Variants in SIL1 observed in about 807,000 individuals in gnomAD.
The protein encoded by SIL1 is SIL1 nucleotide exchange factor, also known as nucleotide exchange factor SIL1.
In SIL1, 40 loss-of-function variants were observed where a neutral mutation model predicts 49.1. The observed-to-expected ratio is 0.81, with a 90% CI of 0.63 to 1.06. SIL1 has a LOEUF of 1.06. Among genes scored for constraint, SIL1 ranks in the 50% least tolerant of loss-of-function variants. The pLI is 0.00. For synonymous variants in SIL1, 253 were observed against 250.8 expected (o/e 1.01, Z -0.08); for missense variants, 500 against 572.6 (o/e 0.87, Z 1.29).
chr5:138,969,292 C>A (rs1767221606), intron 7 of SIL1, among the ~76,000 whole-genome samples: 1 of 152,192 alleles, frequency 6.6e-6, no homozygotes, highest in African/African-American at 2.4e-5. Flanking sequence ...GCAGGACAGT[C>A]CACAGATATG....
chr5:139,117,201 T>C (rs752823775), intron 3 of SIL1, among the ~76,000 whole-genome samples: 4 of 152,192 alleles, frequency 2.6e-5, no homozygotes, highest in Non-Finnish European at 5.9e-5. Flanking sequence ...ATGAGCTGGA[T>C]AGAGGGCAGG....
Position 139,057,314 on chromosome 5 carries a change from T to TTAAAAAAAAAAAAAAAAAA in SIL1, c.245-6269_245-6268insTTTTTTTTTTTTTTTTTTA, listed in dbSNP as rs781049621. On this transcript the variant is annotated intron_variant, in intron 3 of 9. Coordinates refer to ENST00000394817, the MANE Select transcript of SIL1 (RefSeq NM_022464.5). Reference sequence around the variant, plus strand: ...GCGAGAAACACCCAAGAATGATCAATAAAAAAAAAAAAAAGAAAAGAAAAG... The same window carrying TTAAAAAAAAAAAAAAAAAA: ...GCGAGAAACACCCAAGAATGATCAATTAAAAAAAAAAAAAAAAAAAAAAAAAAAAAAAAGAAAAGAAAAG... Among the ~76,000 whole-genome samples the TTAAAAAAAAAAAAAAAAAA allele has an allele frequency of 6.9e-3, 501 of 72,972 alleles. 74 individuals carry two copies. The highest frequency in any genetic ancestry group is 0.014 in the Middle Eastern group (2 of 138). 47.9% of individuals were successfully genotyped at this position (72,972 alleles called of 152,430 possible).
chr5:139,049,182 A>C (rs1427919538), intron 4 of SIL1, among the ~76,000 whole-genome samples: 1 of 151,954 alleles, frequency 6.6e-6, no homozygotes, highest in Admixed American at 6.6e-5. Context: ...TTTTTGTTTT[A>C]GTTTTTCTGA....
intron 3 of SIL1, among the ~76,000 whole-genome samples, chr5:139,114,701 G>A (rs1770947093): frequency 6.6e-6 from 1 of 152,218 alleles, no homozygotes; most frequent in South Asian, 2.1e-4. Flanking sequence ...GGGTGGCACT[G>A]TGCAGAAAGA....
At chr5:138,966,438 C>T (rs1767141630) in intron 7 of SIL1, among the ~76,000 whole-genome samples, 1 of 152,070 alleles carries the variant, frequency 6.6e-6, no homozygotes, top group South Asian at 2.1e-4. Context: ...GCTACTGCTC[C>T]ATCCTCAACT....
At chr5:138,990,635 C>T (rs1404965614) in intron 7 of SIL1, among the ~76,000 whole-genome samples, 2 of 152,116 alleles carry the variant, frequency 1.3e-5, no homozygotes, top group Non-Finnish European at 2.9e-5. Flanking sequence ...ACTATTTTGT[C>T]CAGGCTGGTC....
intron 1 of SIL1, among the ~76,000 whole-genome samples, chr5:139,176,927 C>CATT (rs1439894527): frequency 1.0e-5 from 1 of 95,788 alleles, no homozygotes; most frequent in Admixed American, 1.3e-4. Context: ...AGCTGAGATT[C>CATT]TTTTTTTTTT....
In SIL1 at chr5:139,042,893, G is replaced by A. The variant is rs112969897; in HGVS notation, c.354-174C>T. 4.6e-5 allele frequency among the ~76,000 whole-genome samples: 7 copies of A among 152,278 alleles called. No individual in the cohort carries two copies. In the East Asian group the frequency reaches 1.2e-3, roughly 25 times the overall value. On this transcript the variant is annotated intron_variant, in intron 4 of 9. Transcript: ENST00000394817. ...GGTATGTGCCTGTGGTCCCAGCTACGTGGGAAGCAGGAGGATCACTTGAGC... is the reference window on the plus strand; with the variant it reads ...GGTATGTGCCTGTGGTCCCAGCTACATGGGAAGCAGGAGGATCACTTGAGC...
At chr5:139,054,842 T>C (rs1769371765) in intron 3 of SIL1, among the ~76,000 whole-genome samples, 1 of 152,182 alleles carries the variant, frequency 6.6e-6, no homozygotes, top group South Asian at 2.1e-4. Context: ...GTTGTGTTCA[T>C]TTAAAATATA....
chr5:138,984,489 G>A (rs1192762844), intron 7 of SIL1, among the ~76,000 whole-genome samples: 1 of 151,922 alleles, frequency 6.6e-6, no homozygotes, highest in Admixed American at 6.6e-5. Flanking sequence ...CTCCCAAACA[G>A]CTGGGACTAC....
chr5:139,068,229 G>A (rs1769749257), intron 3 of SIL1, among the ~76,000 whole-genome samples: 1 of 152,186 alleles, frequency 6.6e-6, no homozygotes. Flanking sequence ...CAAGTGCAAA[G>A]GTATTGGGAA....
chr5:138,977,275 A>T lies in SIL1; in HGVS notation c.768-25391T>A, dbSNP rs538217708. On this transcript the variant is annotated intron_variant, in intron 7 of 9. Coordinates refer to ENST00000394817, the MANE Select transcript of SIL1 (RefSeq NM_022464.5). ...TCTATATCCTAATCTGGGGAACAAT[A>T]ATCTTCCCAGTTATGAAGCACTATC... Among the ~76,000 whole-genome samples, 3 of 152,254 alleles carry T rather than the reference A, an allele frequency of 2.0e-5. No homozygotes were observed. The East Asian group carries it at 5.8e-4, about 29-fold the overall frequency.
intron 3 of SIL1, among the ~76,000 whole-genome samples, chr5:139,112,126 C>T (rs943525314): frequency 5.3e-5 from 8 of 152,232 alleles, no homozygotes; most frequent in Non-Finnish European, 1.2e-4. Flanking sequence ...GGATTGCAGA[C>T]GGAGTCTAGT....
chr5:139,084,877 T>C (rs971007640), intron 3 of SIL1, among the ~76,000 whole-genome samples: 2 of 152,218 alleles, frequency 1.3e-5, no homozygotes, highest in East Asian at 1.9e-4. Flanking sequence ...TTCTCAAGTA[T>C]AGTAATTAAC....
intron 3 of SIL1, among the ~76,000 whole-genome samples, chr5:139,105,908 G>C (rs62381239): frequency 6.6e-6 from 1 of 152,364 alleles, no homozygotes; most frequent in Admixed American, 6.5e-5. Flanking sequence ...CAGGGAAAAG[G>C]AGCCGCAAAC....
intron 1 of SIL1, among the ~76,000 whole-genome samples, chr5:139,130,910 T>G (rs887941631): frequency 3.9e-5 from 6 of 152,314 alleles, no homozygotes; most frequent in Admixed American, 2.0e-4. Context: ...TATGAAATAT[T>G]TAGAACAGAC....
At chr5:139,101,829 T>C (rs1770594520) in intron 3 of SIL1, among the ~76,000 whole-genome samples, 1 of 152,216 alleles carries the variant, frequency 6.6e-6, no homozygotes, top group Admixed American at 6.5e-5. Flanking sequence ...AGAATGTGTA[T>C]TCTGTTCTTG....
chr5:139,112,766 C>G (rs1028860845), intron 3 of SIL1, among the ~76,000 whole-genome samples: 2 of 152,102 alleles, frequency 1.3e-5, no homozygotes, highest in Non-Finnish European at 2.9e-5. Context: ...TGAGGAGCCC[C>G]TCTGCCCGGC....
Position 139,172,899 on chromosome 5 carries a change from C to G in SIL1, c.-11+25370G>C, listed in dbSNP as rs116348065. On this transcript the variant is annotated intron_variant, in intron 1 of 9. Coordinates refer to ENST00000394817, the MANE Select transcript of SIL1 (RefSeq NM_022464.5). Reference sequence around the variant, plus strand: ...TGACATTTCCAATTTTAGATAATGCCTCACATCTCTGCCCCCACTCCAGAA... The same window carrying G: ...TGACATTTCCAATTTTAGATAATGCGTCACATCTCTGCCCCCACTCCAGAA... Among the ~76,000 whole-genome samples, 964 of 152,078 alleles carry G rather than the reference C, an allele frequency of 6.3e-3. 12 individuals carry two copies. Among genetic ancestry groups the G allele is most frequent in the African/African-American group, 0.022 (898 of 41,466 alleles).
Sources: allele counts gnomAD v4.1 joint callset (sites outside exome capture counted in the v4.1 genomes callset), GRCh38; gene constraint gnomAD v4.1.1; transcripts MANE v1.5; gene names NCBI Gene and HGNC (gene_info 2026-07-23, HGNC 2026-07-21).